Variants in TMEM135 observed in about 807,000 individuals in gnomAD.
TMEM135 encodes the protein peroxisomal membrane protein 52.
In TMEM135, 30 loss-of-function variants were observed where a neutral mutation model predicts 60.3. That is an observed-to-expected ratio of 0.50 (90% CI 0.37 to 0.68). The LOEUF (loss-of-function observed/expected upper bound fraction) is 0.68, where lower values mean the gene tolerates loss of function less well. Among genes scored for constraint, TMEM135 ranks in the 30% least tolerant of loss-of-function variants. The probability of loss-of-function intolerance (pLI) is 0.00; values close to 1 mark genes in which losing one functional copy is unlikely to be tolerated. For synonymous variants in TMEM135, 190 were observed against 186.7 expected (o/e 1.02, Z -0.14); for missense variants, 468 against 548.8 (o/e 0.85, Z 1.47).
intron 6 of TMEM135, chr11:87,258,720 A>G (rs1331508432): frequency 2.6e-6 from 1 of 390,252 alleles, no homozygotes; most frequent in African/African-American, 2.1e-5. Context: ...ATGTGGGGAG[A>G]TTTCTTCCCA....
chr11:87,080,101 A>G (rs76645880), intron 3 of TMEM135, among the ~76,000 whole-genome samples: 2 of 148,562 alleles, frequency 1.3e-5, no homozygotes, highest in Admixed American at 6.7e-5. Context: ...CAGCTTCCCA[A>G]TGTGCTGAGA....
chr11:87,312,804 G>T (rs775428144), intron 10 of TMEM135, among the ~76,000 whole-genome samples: 21 of 151,882 alleles, frequency 1.4e-4, no homozygotes, highest in Non-Finnish European at 2.7e-4. Flanking sequence ...GCCATAGTTT[G>T]CTGACCCCTA....
intron 5 of TMEM135, among the ~76,000 whole-genome samples, chr11:87,227,520 A>T (rs1213302506): frequency 1.3e-5 from 2 of 152,104 alleles, no homozygotes; most frequent in Non-Finnish European, 2.9e-5. Flanking sequence ...CATAAAAAAA[A>T]ATTAGGTAAA....
intron 6 of TMEM135, among the ~76,000 whole-genome samples, chr11:87,252,231 A>G (rs1246495748): frequency 2.6e-5 from 4 of 152,144 alleles, no homozygotes. Flanking sequence ...CGAGATTGAT[A>G]AATTGGGGAA....
rs573676123 is a variant in TMEM135 at position 87,106,564 on chromosome 11, C to T, written c.396+15169C>T. ...GTTTGGCTTTGGTATCAGGGTAATACTGGCTTTGTAAAATGAGTTTGGGCA... is the reference window on the plus strand; with the variant it reads ...GTTTGGCTTTGGTATCAGGGTAATATTGGCTTTGTAAAATGAGTTTGGGCA... On this transcript the variant is annotated intron_variant, in intron 4 of 14. Coordinates refer to ENST00000305494, the MANE Select transcript of TMEM135 (RefSeq NM_022918.4). 9.9e-5 allele frequency among the ~76,000 whole-genome samples: 15 copies of T among 152,216 alleles called. 2 individuals are homozygous for T. The South Asian group carries it at 2.7e-3, about 27-fold the overall frequency.
intron 6 of TMEM135, among the ~76,000 whole-genome samples, chr11:87,254,305 T>A (rs372328304): frequency 1.3e-5 from 2 of 152,190 alleles, no homozygotes; most frequent in East Asian, 3.8e-4. Context: ...TTCAGAGTTT[T>A]CATTGACTTA....
At chr11:87,230,189 G>T (rs1047304705) in intron 5 of TMEM135, among the ~76,000 whole-genome samples, 8 of 151,892 alleles carry the variant, frequency 5.3e-5, no homozygotes, top group Non-Finnish European at 7.4e-5. Context: ...GCCTGTTCTG[G>T]AATTTTATAT....
intron 1 of TMEM135, among the ~76,000 whole-genome samples, chr11:87,049,889 A>G (rs1230262919): frequency 1.8e-5 from 2 of 111,876 alleles, no homozygotes; most frequent in Non-Finnish European, 3.6e-5. Context: ...CACCACACCT[A>G]TTCCAAAATT....
In TMEM135 at chr11:87,258,976, A is replaced by G. The variant is rs193126115; in HGVS notation, c.509+22292A>G. 282 of 1,528,050 alleles carry G rather than the reference A, an allele frequency of 1.8e-4. No individual in the cohort carries two copies. The African/African-American group carries it at 3.4e-3, about 19-fold the overall frequency. 94.7% of individuals were successfully genotyped at this position (1,528,050 alleles called of 1,614,324 possible). On this transcript the variant is annotated intron_variant, in intron 6 of 14. Transcript: ENST00000305494. ...CTCGGTTTGCATCTTCTCAGTCTCA[A>G]AGACAACGGGAAGAACCAGGATCAT... is the stretch of plus-strand genomic sequence containing the variant.
chr11:87,283,543 A>G (rs1343133104), intron 6 of TMEM135, among the ~76,000 whole-genome samples: 1 of 152,172 alleles, frequency 6.6e-6, no homozygotes, highest in Non-Finnish European at 1.5e-5. Flanking sequence ...TTACTGACAT[A>G]TATGCCAATA....
At chr11:87,232,535 A>G (rs1045835175) in intron 5 of TMEM135, among the ~76,000 whole-genome samples, 2 of 152,130 alleles carry the variant, frequency 1.3e-5, no homozygotes, top group Non-Finnish European at 2.9e-5. Flanking sequence ...ACTGAAACAG[A>G]ATGATCCATC....
rs962498248 is a variant in TMEM135 at position 87,134,282 on chromosome 11, G to C, written c.397-23059G>C. Among the ~76,000 whole-genome samples, 12 of 152,076 alleles carry C rather than the reference G, an allele frequency of 7.9e-5. No individual in the cohort carries two copies. In the East Asian group the frequency reaches 2.1e-3, roughly 27 times the overall value. On this transcript the variant is annotated intron_variant, in intron 4 of 14. Transcript: ENST00000305494. ...ATATTTTCTTCCTGTAAGGATGCCAGTCATATTGGATTTGAACCCACCCTA... is the reference window on the plus strand; with the variant it reads ...ATATTTTCTTCCTGTAAGGATGCCACTCATATTGGATTTGAACCCACCCTA...
At chr11:87,185,221 A>G (rs1008781253) in intron 5 of TMEM135, among the ~76,000 whole-genome samples, 3 of 152,110 alleles carry the variant, frequency 2.0e-5, no homozygotes, top group African/African-American at 4.8e-5. Context: ...TTATTATCGT[A>G]TTTAGTCAGT....
At chr11:87,144,927 A>G (rs1220191295) in intron 4 of TMEM135, among the ~76,000 whole-genome samples, 1 of 152,208 alleles carries the variant, frequency 6.6e-6, no homozygotes, top group Non-Finnish European at 1.5e-5. Flanking sequence ...TAACATATCT[A>G]TTACCTCAAT....
rs1251916424 is a variant in TMEM135, at chr11:87,325,056, C to T, written c.*3723C>T. On this transcript the variant is annotated 3_prime_UTR_variant, in exon 15 of 15. Coordinates refer to ENST00000305494, the MANE Select transcript of TMEM135 (RefSeq NM_022918.4). Reference sequence around the variant, plus strand: ...CCCTTTACTATTGGTGCTGAAGCCACCATTGGTGCCAGCTCTATAATTTCT... The same window carrying T: ...CCCTTTACTATTGGTGCTGAAGCCATCATTGGTGCCAGCTCTATAATTTCT... 2.2e-6 allele frequency: 1 copy of T among 453,976 alleles called. No individual in the cohort carries two copies. The highest frequency in any genetic ancestry group is 4.4e-6 in the Non-Finnish European group (1 of 226,762). 28.1% of individuals were successfully genotyped at this position (453,976 alleles called of 1,614,324 possible). A position where few individuals can be genotyped will look rare whatever the true frequency, so the allele number is the denominator to read the frequency against.
chr11:87,327,429 C>G lies in TMEM135; in HGVS notation c.*6096C>G. The G allele has an allele frequency of 8.8e-6, 4 of 454,054 alleles. No homozygotes were observed. The highest frequency in any genetic ancestry group is 4.7e-5 in the South Asian group (3 of 64,478). 28.1% of individuals were successfully genotyped at this position (454,054 alleles called of 1,614,324 possible). ...GCCACTGAATGGTGCCATTAACCAT[C>G]TGCATTTGAGCATTTTGAGAAAATA... On this transcript the variant is annotated 3_prime_UTR_variant, in exon 15 of 15. Coordinates refer to ENST00000305494, the MANE Select transcript of TMEM135 (RefSeq NM_022918.4).
At chr11:87,285,320 G>A (rs1250543736) in intron 6 of TMEM135, among the ~76,000 whole-genome samples, 1 of 152,172 alleles carries the variant, frequency 6.6e-6, no homozygotes, top group Non-Finnish European at 1.5e-5. Context: ...TCTGAAATTG[G>A]TGGGTTCTTG....
intron 4 of TMEM135, among the ~76,000 whole-genome samples, chr11:87,101,705 T>C (rs1475451278): frequency 2.6e-5 from 4 of 152,222 alleles, no homozygotes; most frequent in Admixed American, 6.5e-5. Flanking sequence ...CTAGGCACAG[T>C]GGCTCACGCC....
At chr11:87,161,549 A>G (rs984142077) in intron 5 of TMEM135, among the ~76,000 whole-genome samples, 1 of 152,170 alleles carries the variant, frequency 6.6e-6, no homozygotes, top group Non-Finnish European at 1.5e-5. Context: ...AAGTTTAACA[A>G]TTCTTTACCA....
Sources: allele counts gnomAD v4.1 joint callset (sites outside exome capture counted in the v4.1 genomes callset), GRCh38; gene constraint gnomAD v4.1.1; transcripts MANE v1.5; gene names NCBI Gene and HGNC (gene_info 2026-07-23, HGNC 2026-07-21).